NEGR1: variants seen among roughly 807,000 people sequenced by gnomAD.
The protein encoded by NEGR1 is neuronal growth regulator 1.
NEGR1 carries 10 observed loss-of-function variants against 40.9 expected under a neutral mutation model. The observed-to-expected ratio is 0.24, with a 90% CI of 0.15 to 0.42. NEGR1 has a LOEUF of 0.42. Ranked by LOEUF, NEGR1 falls within the 10% of genes least tolerant of loss-of-function variation. The pLI is 1.00. For synonymous variants in NEGR1, 185 were observed against 166.8 expected (o/e 1.11, Z -0.84); for missense variants, 352 against 438.9 (o/e 0.80, Z 1.77).
At chr1:71,752,877 A>G (rs1334856525) in intron 3 of NEGR1, among the ~76,000 whole-genome samples, 1 of 152,206 alleles carries the variant, frequency 6.6e-6, no homozygotes, top group African/African-American at 2.4e-5. Context: ...AAATTCCTCC[A>G]GAAAATCTTA....
chr1:71,634,237 A>G (rs1651068083), intron 4 of NEGR1, among the ~76,000 whole-genome samples: 1 of 152,074 alleles, frequency 6.6e-6, no homozygotes, highest in African/African-American at 2.4e-5. Flanking sequence ...AAACAGAGTC[A>G]TTTTGTACAG....
chr1:71,500,322 T>G (rs1445974159), intron 6 of NEGR1, among the ~76,000 whole-genome samples: 1 of 152,016 alleles, frequency 6.6e-6, no homozygotes, highest in Non-Finnish European at 1.5e-5. Flanking sequence ...TAGAATCATC[T>G]AAATGAAAAA....
At chr1:71,808,369 G>T (rs1029565202) in intron 2 of NEGR1, among the ~76,000 whole-genome samples, 1 of 152,086 alleles carries the variant, frequency 6.6e-6, no homozygotes, top group Non-Finnish European at 1.5e-5. Context: ...GGTATAGATG[G>T]TGGAGATGAA....
At chr1:71,767,857 G>A (rs1324492753) in intron 3 of NEGR1, among the ~76,000 whole-genome samples, 1 of 152,184 alleles carries the variant, frequency 6.6e-6, no homozygotes. Flanking sequence ...AGCAACTCCA[G>A]CTCCAGACAT....
At chr1:72,150,626 G>A (rs540636288) in intron 1 of NEGR1, among the ~76,000 whole-genome samples, 1 of 152,132 alleles carries the variant, frequency 6.6e-6, no homozygotes, top group African/African-American at 2.4e-5. Flanking sequence ...TAAAATGAAT[G>A]GATCTAGAGT....
chr1:71,871,735 T>C (rs1366447385), intron 2 of NEGR1, among the ~76,000 whole-genome samples: 1 of 152,228 alleles, frequency 6.6e-6, no homozygotes. Context: ...AGATAGTTTT[T>C]ATTGAGGCAC....
chr1:71,477,365 C>T (rs1646828002), intron 6 of NEGR1: 2 of 151,988 alleles, frequency 1.3e-5, no homozygotes, highest in Admixed American at 1.3e-4. Context: ...GCTATTTTTT[C>T]ACCTTTCACA....
Position 71,772,884 on chromosome 1 carries a change from T to C in NEGR1, c.535+3288A>G, listed in dbSNP as rs182959240. ...CTAACTGGGTAAAGCATACAGAATA[T>C]TCTCTGTTTTATTTCTGTAACCTTT... On this transcript the variant is annotated intron_variant, in intron 3 of 6. Coordinates refer to ENST00000357731, the MANE Select transcript of NEGR1 (RefSeq NM_173808.3). 2.2e-3 allele frequency among the ~76,000 whole-genome samples: 342 copies of C among 152,338 alleles called. 6 individuals carry two copies. Among genetic ancestry groups the C allele is most frequent in the Admixed American group, 0.02 (310 of 15,306 alleles).
chr1:71,786,016 CT>C (rs1428381505), intron 2 of NEGR1, among the ~76,000 whole-genome samples: 1 of 152,028 alleles, frequency 6.6e-6, no homozygotes, highest in African/African-American at 2.4e-5. Flanking sequence ...AAAATAACAC[CT>C]TCTTTGAAGT....
intron 1 of NEGR1, among the ~76,000 whole-genome samples, chr1:72,003,869 A>T (rs1435680901): frequency 6.6e-6 from 1 of 152,166 alleles, no homozygotes; most frequent in African/African-American, 2.4e-5. Context: ...TTGTGATAGC[A>T]TTGTACTGTT....
intron 1 of NEGR1, among the ~76,000 whole-genome samples, chr1:72,257,724 C>T (rs534751686): frequency 1.3e-5 from 2 of 152,196 alleles, no homozygotes; most frequent in South Asian, 4.1e-4. Flanking sequence ...TTTTATCTTC[C>T]CAGTCCTGAG....
intron 2 of NEGR1, among the ~76,000 whole-genome samples, chr1:71,917,153 G>C (rs560705587): frequency 6.6e-6 from 1 of 152,182 alleles, no homozygotes; most frequent in Non-Finnish European, 1.5e-5. Context: ...TAAATGTCAC[G>C]CTATAGTGAT....
At chr1:71,814,070 A>G (rs1433466922) in intron 2 of NEGR1, among the ~76,000 whole-genome samples, 1 of 152,170 alleles carries the variant, frequency 6.6e-6, no homozygotes, top group African/African-American at 2.4e-5. Context: ...TGGATTTGTC[A>G]TAAATGGCTC....
chr1:71,473,176 C>A (rs940990475), intron 6 of NEGR1, among the ~76,000 whole-genome samples: 2 of 151,856 alleles, frequency 1.3e-5, no homozygotes, highest in South Asian at 4.2e-4. Context: ...CATATAAGTA[C>A]TAAGATTGAA....
rs113487083 is a variant in NEGR1 at position 71,935,455 on chromosome 1, A to G, written c.177-144T>C. The G allele has an allele frequency of 3.0e-5, 19 of 629,312 alleles. No homozygotes were observed. In the African/African-American group the frequency reaches 3.5e-4, roughly 12 times the overall value. 39.0% of individuals were successfully genotyped at this position (629,312 alleles called of 1,614,324 possible). A position where few individuals can be genotyped will look rare whatever the true frequency, so the allele number is the denominator to read the frequency against. ...AGACATTAACTCAGGAAACATGAAC[A>G]TACTGATGCATCTTCCATTCCCAAT... On this transcript the variant is annotated intron_variant, in intron 1 of 6. Transcript: ENST00000357731.
chr1:71,825,045 C>A (rs538325512), intron 2 of NEGR1, among the ~76,000 whole-genome samples: 9 of 152,004 alleles, frequency 5.9e-5, no homozygotes, highest in Non-Finnish European at 1.3e-4. Context: ...CATAACACAG[C>A]TGTTTTCAAC....
At chr1:71,888,333 A>G (rs1660790749) in intron 2 of NEGR1, among the ~76,000 whole-genome samples, 2 of 152,090 alleles carry the variant, frequency 1.3e-5, no homozygotes, top group Non-Finnish European at 2.9e-5. Flanking sequence ...GGAGTGCCAG[A>G]CAGTGGGCGC....
At chr1:72,102,034 T>C (rs1240772143) in intron 1 of NEGR1, among the ~76,000 whole-genome samples, 3 of 152,068 alleles carry the variant, frequency 2.0e-5, no homozygotes, top group African/African-American at 7.2e-5. Context: ...CCCACCTGAA[T>C]TGTTATGCTG....
At chr1:72,276,786 G>T (rs1656062891) in intron 1 of NEGR1, among the ~76,000 whole-genome samples, 1 of 152,044 alleles carries the variant, frequency 6.6e-6, no homozygotes, top group African/African-American at 2.4e-5. Flanking sequence ...TTTTCACTAT[G>T]CATCTATCAA....
Sources: gnomAD v4.1 joint callset for allele counts (sites outside exome capture counted in the v4.1 genomes callset) on GRCh38, gnomAD v4.1.1 for gene constraint, MANE v1.5 for transcripts, NCBI Gene and HGNC (gene_info 2026-07-23, HGNC 2026-07-21) for gene names.